CCDC181: variants seen among roughly 807,000 people sequenced by gnomAD.
CCDC181 encodes coiled-coil domain containing 181.
In CCDC181, 35 loss-of-function variants were observed where a neutral mutation model predicts 58.7. That is an observed-to-expected ratio of 0.60 (90% CI 0.46 to 0.79). The LOEUF is 0.79. Ranked by LOEUF, CCDC181 falls within the 30% of genes least tolerant of loss-of-function variation. The probability of loss-of-function intolerance (pLI) is 0.00; values close to 1 mark genes in which losing one functional copy is unlikely to be tolerated. For synonymous variants in CCDC181, 183 were observed against 197.5 expected (o/e 0.93, Z 0.62); for missense variants, 517 against 583.9 (o/e 0.89, Z 1.18).
At chr1:169,414,637 A>G (rs1391175808) in intron 4 of CCDC181, among the ~76,000 whole-genome samples, 1 of 152,184 alleles carries the variant, frequency 6.6e-6, no homozygotes, top group Non-Finnish European at 1.5e-5. Flanking sequence ...TTGGAAAGAC[A>G]TTTTTAGCTA....
intron 4 of CCDC181, among the ~76,000 whole-genome samples, chr1:169,400,805 T>C (rs1453917651): frequency 6.6e-6 from 1 of 152,144 alleles, no homozygotes; most frequent in Non-Finnish European, 1.5e-5. Flanking sequence ...TTCATCTCAC[T>C]GGGGCTTGTC....
intron 4 of CCDC181, among the ~76,000 whole-genome samples, chr1:169,407,058 A>G (rs767653614): frequency 8.4e-5 from 2 of 23,852 alleles, no homozygotes; most frequent in African/African-American, 1.2e-4. Flanking sequence ...GATGAGGCAG[A>G]AAAAAAAAAA....
intron 2 of CCDC181, among the ~76,000 whole-genome samples, chr1:169,441,856 G>A (rs2101748690): frequency 6.6e-6 from 1 of 152,102 alleles, no homozygotes; most frequent in Admixed American, 6.6e-5. Flanking sequence ...AGTGCCATGT[G>A]TCTTCCCTCT....
chr1:169,439,766 G>T (rs1303232138), intron 2 of CCDC181, among the ~76,000 whole-genome samples: 2 of 152,132 alleles, frequency 1.3e-5, no homozygotes, highest in Admixed American at 6.5e-5. Context: ...TGAATGCAGG[G>T]ATTTTACTGA....
chr1:169,439,054 C>T (rs1478712461), intron 2 of CCDC181, among the ~76,000 whole-genome samples: 1 of 152,090 alleles, frequency 6.6e-6, no homozygotes, highest in African/African-American at 2.4e-5. Flanking sequence ...ACTGAGACCC[C>T]CCCAGGAGCT....
chr1:169,435,460 T>C (rs554658877), intron 2 of CCDC181, among the ~76,000 whole-genome samples: 3 of 152,156 alleles, frequency 2.0e-5, no homozygotes, highest in Admixed American at 6.5e-5. Flanking sequence ...AACTGTGGAG[T>C]TGAACATGTA....
intron 4 of CCDC181, among the ~76,000 whole-genome samples, chr1:169,414,229 GA>G (rs1440472425): frequency 6.6e-6 from 1 of 152,054 alleles, no homozygotes; most frequent in East Asian, 1.9e-4. Flanking sequence ...CAGACTTCAG[GA>G]TATGAGGGAC....
At chr1:169,444,381 A>G (rs1018591957) in intron 2 of CCDC181, among the ~76,000 whole-genome samples, 5 of 152,182 alleles carry the variant, frequency 3.3e-5, no homozygotes, top group Admixed American at 3.3e-4. Context: ...ATTAATTTTT[A>G]AAGTAATTTC....
At chr1:169,451,145 G>A (rs531192925) in intron 2 of CCDC181, 1 of 152,008 alleles carries the variant, frequency 6.6e-6, no homozygotes, top group African/African-American at 2.4e-5. Flanking sequence ...TCTGCTTGGA[G>A]TTTTTTTCCA....
At chr1:169,421,184 G>A (rs530586431) in intron 3 of CCDC181, among the ~76,000 whole-genome samples, 179 bp downstream of exon 3, 4 of 152,314 alleles carry the variant, frequency 2.6e-5, no homozygotes, top group Non-Finnish European at 5.9e-5. Context: ...AAGGACCAAA[G>A]TAATCACTGT....
rs777353060 is a variant in CCDC181 at position 169,395,095 on chromosome 1, T to C, written c.1482A>G (p.Leu494=). The C allele has an allele frequency of 2.5e-6, 4 of 1,612,892 alleles. No homozygotes were observed. In the Admixed American group the frequency reaches 5.0e-5, roughly 20 times the overall value. Reference sequence around the variant, plus strand: ...GAAAAGGTTTGGCTTCTGACATATATAGGTGGTGCTGTAACTGTTTAGAAC... The same window carrying C: ...GAAAAGGTTTGGCTTCTGACATATACAGGTGGTGCTGTAACTGTTTAGAAC... ...AKRSKQLQHH[L]YMSEAKPFRF... Residue 494 remains leucine, a synonymous_variant, in exon 6 of 6, where the codon CTA becomes CTG. Coordinates refer to ENST00000367806, the MANE Select transcript of CCDC181 (RefSeq NM_001300969.2).
At chr1:169,452,500 T>C (rs1450160469) in intron 2 of CCDC181, 1 of 152,084 alleles carries the variant, frequency 6.6e-6, no homozygotes, top group Non-Finnish European at 1.5e-5. Flanking sequence ...GCACAGGAAT[T>C]CAAGTAGAGG....
intron 2 of CCDC181, among the ~76,000 whole-genome samples, chr1:169,458,620 C>A (rs577188181): frequency 6.6e-6 from 1 of 152,010 alleles, no homozygotes; most frequent in African/African-American, 2.4e-5. Flanking sequence ...TCTTTAGGTT[C>A]TTTTTCAAGT....
chr1:169,431,535 T>C (rs893938863), upstream of CCDC181, among the ~76,000 whole-genome samples: 1 of 152,180 alleles, frequency 6.6e-6, no homozygotes, highest in Non-Finnish European at 1.5e-5. Context: ...GGAAAAACAA[T>C]TGCACTGTCA....
intron 4 of CCDC181, among the ~76,000 whole-genome samples, chr1:169,400,206 G>A (rs999245420): frequency 6.6e-6 from 1 of 152,124 alleles, no homozygotes; most frequent in African/African-American, 2.4e-5. Context: ...CCCTAAAAAG[G>A]CCATGCTTTG....
chr1:169,409,659 A>G (rs749243651), intron 4 of CCDC181, among the ~76,000 whole-genome samples: 14 of 152,216 alleles, frequency 9.2e-5, no homozygotes, highest in Non-Finnish European at 1.6e-4. Flanking sequence ...GGTTACTTAT[A>G]AAGGGAAGCT....
intron 2 of CCDC181, among the ~76,000 whole-genome samples, chr1:169,435,334 T>A (rs961413521): frequency 6.6e-6 from 1 of 152,064 alleles, no homozygotes; most frequent in Non-Finnish European, 1.5e-5. Context: ...AAGGAGTTGT[T>A]GAGAGGAAAT....
At chr1:169,423,560 G>A (rs954791395) in intron 2 of CCDC181, among the ~76,000 whole-genome samples, 2 of 151,916 alleles carry the variant, frequency 1.3e-5, no homozygotes, top group Non-Finnish European at 2.9e-5. Flanking sequence ...ATCATCCGCT[G>A]GAATGTGTAA....
At chr1:169,426,071 A>G (rs1656697676) in intron 1 of CCDC181, among the ~76,000 whole-genome samples, 1 of 152,188 alleles carries the variant, frequency 6.6e-6, no homozygotes, top group Non-Finnish European at 1.5e-5. Flanking sequence ...AAAAAAAGCC[A>G]TAGTTAAGGT....
Sources: allele counts gnomAD v4.1 joint callset (sites outside exome capture counted in the v4.1 genomes callset), GRCh38; gene constraint gnomAD v4.1.1; transcripts MANE v1.5; gene names NCBI Gene and HGNC (gene_info 2026-07-23, HGNC 2026-07-21).